The following KCND2 variants were observed in gnomAD, a reference collection of about 807,000 sequenced individuals.
The protein encoded by KCND2 is potassium voltage-gated channel subfamily D member 2, also known as A-type voltage-gated potassium channel KCND2.
In KCND2, 16 loss-of-function variants were observed where a neutral mutation model predicts 54.4. That is an observed-to-expected ratio of 0.29 (90% confidence interval 0.20 to 0.45). The LOEUF is 0.45. Among genes scored for constraint, KCND2 ranks in the 20% least tolerant of loss-of-function variants. KCND2 has a pLI of 1.00. For missense variants in KCND2, 486 were observed against 824.2 expected (o/e 0.59, Z 5.02); for synonymous variants, 317 against 310.7 (o/e 1.02, Z -0.21).
chr7:120,398,729 C>A (rs1274753557), intron 1 of KCND2, among the ~76,000 whole-genome samples: 1 of 152,032 alleles, frequency 6.6e-6, no homozygotes, highest in Non-Finnish European at 1.5e-5. Context: ...GTCACCCACA[C>A]CTTGCTAAGA....
intron 1 of KCND2, among the ~76,000 whole-genome samples, chr7:120,682,626 A>G (rs927054823): frequency 6.6e-6 from 1 of 152,174 alleles, no homozygotes; most frequent in Non-Finnish European, 1.5e-5. Flanking sequence ...CTGTACTGCA[A>G]CATTATACAG....
chr7:120,397,731 A>G (rs1049458535), intron 1 of KCND2, among the ~76,000 whole-genome samples: 4 of 151,776 alleles, frequency 2.6e-5, no homozygotes, highest in Non-Finnish European at 5.9e-5. Context: ...TTAACAATAT[A>G]TAATTAACAT....
intron 1 of KCND2, among the ~76,000 whole-genome samples, chr7:120,658,744 T>C (rs1199911880): frequency 6.6e-6 from 1 of 152,198 alleles, no homozygotes; most frequent in Non-Finnish European, 1.5e-5. Flanking sequence ...GTATTCATTC[T>C]CTTAATCATT....
At chr7:120,507,843 A>G (rs554813014) in intron 1 of KCND2, among the ~76,000 whole-genome samples, 1 of 151,996 alleles carries the variant, frequency 6.6e-6, no homozygotes, top group South Asian at 2.1e-4. Flanking sequence ...ACATTTCTAC[A>G]TAATGTGACT....
chr7:120,343,208 G>A (rs1800267156), intron 1 of KCND2, among the ~76,000 whole-genome samples: 1 of 152,186 alleles, frequency 6.6e-6, no homozygotes, highest in Admixed American at 6.5e-5. Flanking sequence ...CAAAGAGGCT[G>A]GGAAATGCAG....
At chr7:120,678,677 T>G (rs1242657158) in intron 1 of KCND2, among the ~76,000 whole-genome samples, 1 of 146,922 alleles carries the variant, frequency 6.8e-6, no homozygotes, top group Non-Finnish European at 1.5e-5. Flanking sequence ...TACATATGTG[T>G]GTACATTTAC....
intron 1 of KCND2, among the ~76,000 whole-genome samples, chr7:120,560,927 A>G (rs1792224950): frequency 6.6e-6 from 1 of 152,212 alleles, no homozygotes; most frequent in South Asian, 2.1e-4. Flanking sequence ...AAATTTGACC[A>G]AGGTACCAAA....
At chr7:120,380,264 C>A (rs1800897175) in intron 1 of KCND2, among the ~76,000 whole-genome samples, 1 of 151,944 alleles carries the variant, frequency 6.6e-6, no homozygotes, top group Non-Finnish European at 1.5e-5. Flanking sequence ...AGAAATAGAA[C>A]CAAGGTGGAC....
At chr7:120,465,804 C>T (rs539385968) in intron 1 of KCND2, among the ~76,000 whole-genome samples, 24 of 152,204 alleles carry the variant, frequency 1.6e-4, no homozygotes, top group African/African-American at 4.6e-4. Flanking sequence ...GAAAGAATTA[C>T]CCCAAAGAAA....
At chr7:120,675,880 C>T in intron 1 of KCND2, among the ~76,000 whole-genome samples, 1 of 127,964 alleles carries the variant, frequency 7.8e-6, no homozygotes, top group African/African-American at 3.0e-5. Flanking sequence ...TTTTTTGAGA[C>T]AGAGTCTCGC....
intron 1 of KCND2, among the ~76,000 whole-genome samples, chr7:120,585,976 T>C (rs117951371): frequency 6.7e-4 from 102 of 152,306 alleles, no homozygotes; most frequent in Middle Eastern, 3.4e-3. Context: ...AGCAGTCATA[T>C]GGCTCAGTCC....
intron 1 of KCND2, among the ~76,000 whole-genome samples, chr7:120,289,037 AACACACAC>A (rs763897007): frequency 4.8e-5 from 3 of 62,154 alleles, no homozygotes; most frequent in East Asian, 1.0e-3. Flanking sequence ...CAGAGACACA[AACACACAC>A]ACACACACAC....
chr7:120,404,477 G>A (rs1801319364), intron 1 of KCND2, among the ~76,000 whole-genome samples: 2 of 152,042 alleles, frequency 1.3e-5, no homozygotes, highest in Admixed American at 6.6e-5. Context: ...TAAAAGATGA[G>A]GAAATACTGT....
chr7:120,351,062 G>A (rs985505177), intron 1 of KCND2, among the ~76,000 whole-genome samples: 2 of 151,418 alleles, frequency 1.3e-5, no homozygotes, highest in Admixed American at 1.3e-4. Flanking sequence ...AAACCTTATA[G>A]AATTATTATC....
intron 1 of KCND2, among the ~76,000 whole-genome samples, chr7:120,458,235 A>G (rs985897555): frequency 5.3e-5 from 8 of 152,190 alleles, no homozygotes; most frequent in African/African-American, 1.9e-4. Context: ...TGCATCTTAT[A>G]TACTAACTCG....
At chr7:120,438,945 T>C (rs1219930641) in intron 1 of KCND2, among the ~76,000 whole-genome samples, 1 of 152,172 alleles carries the variant, frequency 6.6e-6, no homozygotes, top group Non-Finnish European at 1.5e-5. Flanking sequence ...ATTAACTTTC[T>C]TATTCATGTC....
chr7:120,421,450 T>A (rs1219665486), intron 1 of KCND2, among the ~76,000 whole-genome samples: 1 of 152,238 alleles, frequency 6.6e-6, no homozygotes, highest in East Asian at 1.9e-4. Flanking sequence ...AACTCAGGTT[T>A]CTATTTTGCA....
intron 1 of KCND2, among the ~76,000 whole-genome samples, chr7:120,289,037 A>AACACACACAC (rs763897007): frequency 1.6e-5 from 1 of 62,160 alleles, no homozygotes; most frequent in African/African-American, 3.5e-5. Flanking sequence ...CAGAGACACA[A>AACACACACAC]ACACACACAC....
chr7:120,558,992 A>AATGTGT (rs200969540), intron 1 of KCND2, among the ~76,000 whole-genome samples: 10 of 81,922 alleles, frequency 1.2e-4, no homozygotes, highest in South Asian at 5.3e-4. Context: ...TTCACAAAGT[A>AATGTGT]CTGTGTGTGT....
Sources: gnomAD v4.1 joint callset for allele counts (sites outside exome capture counted in the v4.1 genomes callset) on GRCh38, gnomAD v4.1.1 for gene constraint, MANE v1.5 for transcripts, NCBI Gene and HGNC (gene_info 2026-07-23, HGNC 2026-07-21) for gene names.